LRP1B: variants seen among roughly 807,000 people sequenced by gnomAD.
LRP1B encodes the protein low-density lipoprotein receptor-related protein 1B.
Under a neutral mutation model 556.6 loss-of-function variants are expected in LRP1B, and 217 were observed. The ratio of observed to expected loss-of-function variants is 0.39; its 90% CI spans 0.35 to 0.44. LRP1B has a LOEUF of 0.44. Among genes scored for constraint, LRP1B ranks in the 20% least tolerant of loss-of-function variants. The pLI is 1.00. For synonymous variants in LRP1B, 2,047 were observed against 1,865.8 expected (o/e 1.10, Z -2.50); for missense variants, 5,053 against 5,620.8 (o/e 0.90, Z 3.23).
chr2:141,062,552 A>G (rs919950505), intron 7 of LRP1B, among the ~76,000 whole-genome samples: 1 of 151,792 alleles, frequency 6.6e-6, no homozygotes, highest in Admixed American at 6.6e-5. Flanking sequence ...ATGTTTCTTT[A>G]AGCCTCATGG....
intron 41 of LRP1B, among the ~76,000 whole-genome samples, chr2:140,663,110 T>C (rs1308060168): frequency 1.3e-5 from 2 of 152,194 alleles, no homozygotes; most frequent in Admixed American, 1.3e-4. Context: ...TTAAATTGCA[T>C]GCTATATATA....
intron 1 of LRP1B, among the ~76,000 whole-genome samples, chr2:142,129,200 A>G (rs1274644168): frequency 1.3e-5 from 2 of 152,206 alleles, no homozygotes; most frequent in Non-Finnish European, 2.9e-5. Flanking sequence ...AAGGCGAGCT[A>G]TGTGCTTCCA....
intron 4 of LRP1B, among the ~76,000 whole-genome samples, chr2:141,250,601 T>C (rs1052242119): frequency 1.3e-5 from 2 of 152,140 alleles, no homozygotes; most frequent in African/African-American, 4.8e-5. Context: ...CTGTGAGTGG[T>C]TATAGTGAAT....
At chr2:140,301,215 C>G (rs1339056515) in intron 83 of LRP1B, among the ~76,000 whole-genome samples, 1 of 152,026 alleles carries the variant, frequency 6.6e-6, no homozygotes, top group African/African-American at 2.4e-5. Flanking sequence ...AACACACATA[C>G]TACAACAGCA....
intron 2 of LRP1B, among the ~76,000 whole-genome samples, chr2:141,604,986 G>A (rs10187201): frequency 0.054 from 8,234 of 152,126 alleles, 322 homozygotes; most frequent in African/African-American, 0.11. Context: ...GCACAAGCCA[G>A]GTACAGCCAA....
At chr2:141,419,180 T>C (rs535879435) in intron 3 of LRP1B, among the ~76,000 whole-genome samples, 6 of 152,094 alleles carry the variant, frequency 3.9e-5, no homozygotes, top group African/African-American at 1.4e-4. Flanking sequence ...TAATGTGCCA[T>C]TGAATTCACT....
chr2:140,466,780 A>T (rs570872295), intron 60 of LRP1B, among the ~76,000 whole-genome samples: 1 of 152,298 alleles, frequency 6.6e-6, no homozygotes, highest in South Asian at 2.1e-4. Context: ...TAAACTTAAA[A>T]ACTCAAGGTC....
chr2:141,421,292 C>G (rs1027069384), intron 3 of LRP1B, among the ~76,000 whole-genome samples: 9 of 151,976 alleles, frequency 5.9e-5, no homozygotes, highest in South Asian at 4.2e-4. Flanking sequence ...ACTTTGGGAG[C>G]CCGAGGTGGG....
rs185367146 is a variant in LRP1B, at chr2:140,530,813, G to A, written c.7762+3208C>T. Among the ~76,000 whole-genome samples the A allele has an allele frequency of 1.7e-3, 265 of 152,170 alleles. 3 individuals carry two copies. The highest frequency in any genetic ancestry group is 3.8e-3 in the Admixed American group (58 of 15,254). The stretch of plus-strand genomic sequence containing the variant: ...TGTTATAATTTTACCATAAAAGAAA[G>A]GTTAAGGGAGAAGCTTCATTTGCAA... On this transcript the variant is annotated intron_variant, in intron 47 of 90. Transcript: ENST00000389484.
intron 3 of LRP1B, among the ~76,000 whole-genome samples, chr2:141,335,839 T>A (rs1012271486): frequency 6.6e-6 from 1 of 152,072 alleles, no homozygotes; most frequent in Non-Finnish European, 1.5e-5. Flanking sequence ...TACACCTGTG[T>A]ATTAAATAAA....
chr2:140,551,277 A>T (rs1680538800), intron 43 of LRP1B, among the ~76,000 whole-genome samples: 1 of 152,198 alleles, frequency 6.6e-6, no homozygotes, highest in Non-Finnish European at 1.5e-5. Flanking sequence ...AGAGTGTAAA[A>T]ATAATAACTG....
intron 1 of LRP1B, among the ~76,000 whole-genome samples, chr2:141,815,474 T>C (rs567343541): frequency 6.6e-6 from 1 of 151,902 alleles, no homozygotes; most frequent in Non-Finnish European, 1.5e-5. Context: ...AAGAGGATTG[T>C]AAAATGCACC....
At chr2:140,322,451 G>GGGATC (rs1680194048) in intron 81 of LRP1B, among the ~76,000 whole-genome samples, 2 of 151,972 alleles carry the variant, frequency 1.3e-5, no homozygotes, top group South Asian at 4.2e-4. Flanking sequence ...AAGTTTTGGG[G>GGGATC]GGATCTGACC....
At chr2:140,744,184 T>C (rs543618373) in intron 35 of LRP1B, among the ~76,000 whole-genome samples, 1 of 152,014 alleles carries the variant, frequency 6.6e-6, no homozygotes, top group Non-Finnish European at 1.5e-5. Context: ...AAAACATATA[T>C]CATTGCATTG....
At chr2:141,612,182 A>G (rs1688131952) in intron 2 of LRP1B, among the ~76,000 whole-genome samples, 1 of 152,228 alleles carries the variant, frequency 6.6e-6, no homozygotes, top group Non-Finnish European at 1.5e-5. Context: ...GGTGTAATGG[A>G]TAAACAAGTC....
At chr2:141,573,869 C>A (rs529203353) in intron 2 of LRP1B, among the ~76,000 whole-genome samples, 1 of 152,020 alleles carries the variant, frequency 6.6e-6, no homozygotes, top group Non-Finnish European at 1.5e-5. Context: ...AATTGCTGGA[C>A]AAATACACTC....
intron 2 of LRP1B, among the ~76,000 whole-genome samples, chr2:141,809,621 G>A (rs1696270824): frequency 6.6e-6 from 1 of 152,002 alleles, no homozygotes; most frequent in South Asian, 2.1e-4. Context: ...TATGGAAAAA[G>A]CCTTCGGTGG....
intron 31 of LRP1B, among the ~76,000 whole-genome samples, chr2:140,819,571 GAGAACAGAGA>G (rs1464559410): frequency 2.0e-5 from 3 of 152,070 alleles, no homozygotes; most frequent in African/African-American, 4.8e-5. Flanking sequence ...TCACAGAAAA[GAGAACAGAGA>G]AGAACAGAGA....
At chr2:140,255,987 A>C (rs116434328) in intron 86 of LRP1B, among the ~76,000 whole-genome samples, 2,003 of 152,218 alleles carry the variant, frequency 0.013, 21 homozygotes, top group Non-Finnish European at 0.019. Flanking sequence ...GGCGTATGTA[A>C]ATTGTGTATC....
Sources: allele counts gnomAD v4.1 joint callset (sites outside exome capture counted in the v4.1 genomes callset), GRCh38; gene constraint gnomAD v4.1.1; transcripts MANE v1.5; gene names NCBI Gene and HGNC (gene_info 2026-07-23, HGNC 2026-07-21).